The following DPYSL2 variants were observed in gnomAD, a reference collection of about 807,000 sequenced individuals.
DPYSL2 encodes dihydropyrimidinase like 2.
DPYSL2 carries 13 observed loss-of-function variants against 69.9 expected under a neutral mutation model. The observed-to-expected ratio is 0.19, with a 90% CI of 0.12 to 0.30. The LOEUF is 0.30. Among genes scored for constraint, DPYSL2 ranks in the 10% least tolerant of loss-of-function variants. The pLI, the probability that DPYSL2 is intolerant of heterozygous loss-of-function variation, is 1.00. For missense variants in DPYSL2, 587 were observed against 918.9 expected, an observed-to-expected ratio of 0.64 and a Z score of 4.67; for synonymous variants, 326 against 359.1, an observed-to-expected ratio of 0.91 and a Z score of 1.04.
At chr8:26,568,778 C>T (rs1186725613) in intron 1 of DPYSL2, among the ~76,000 whole-genome samples, 4 of 139,020 alleles carry the variant, frequency 2.9e-5, no homozygotes, top group African/African-American at 8.7e-5. Flanking sequence ...TTTTCAGAAT[C>T]GACACAGATT....
chr8:26,609,979 ACACT>A lies in DPYSL2; in HGVS notation c.629-14160_629-14157del, dbSNP rs1802191448. 6.6e-6 allele frequency among the ~76,000 whole-genome samples: 1 copy of A among 152,184 alleles called. No homozygotes were observed. The highest frequency in any genetic ancestry group is 1.5e-5 in the Non-Finnish European group (1 of 68,032). Reference sequence around the variant, plus strand: ...TGCACATGGGCATACACACACGTACACACTCACCCATGTGCACACACACAGGCAC... The same window carrying A: ...TGCACATGGGCATACACACACGTACACACCCATGTGCACACACACAGGCAC... On this transcript the variant is annotated intron_variant, in intron 3 of 13. Transcript: ENST00000521913. This position sits in a 1 kb window ranked among gnomAD's most constrained non-coding sequence, Gnocchi z 6.5.
intron 1 of DPYSL2, among the ~76,000 whole-genome samples, chr8:26,527,502 C>A (rs1447685623): frequency 6.6e-6 from 1 of 152,036 alleles, no homozygotes; most frequent in Non-Finnish European, 1.5e-5. Flanking sequence ...TTGTCTTTGG[C>A]CTCACTCTGA....
chr8:26,622,401 A>G (rs1024518918), intron 3 of DPYSL2, among the ~76,000 whole-genome samples: 2 of 152,070 alleles, frequency 1.3e-5, no homozygotes, highest in African/African-American at 4.8e-5. Context: ...TACTTACAAA[A>G]AAGTAAATTT....
Position 26,560,432 on chromosome 8 carries a change from G to T in DPYSL2, c.355-21537G>T, listed in dbSNP as rs1801052701. ...CTCTGCTGGTGGGATGCACCTATCTGCAGGTCTGGGAAGGTCTGGACCTCC... is the reference window on the plus strand; with the variant it reads ...CTCTGCTGGTGGGATGCACCTATCTTCAGGTCTGGGAAGGTCTGGACCTCC... On this transcript the variant is annotated intron_variant, in intron 1 of 13. Transcript: ENST00000521913. The surrounding 1 kb of genome is among the most constrained non-coding windows in gnomAD (Gnocchi z 4.4). Among the ~76,000 whole-genome samples, 1 of 152,154 alleles carries T rather than the reference G, an allele frequency of 6.6e-6. No homozygotes were observed. The highest frequency in any genetic ancestry group is 2.4e-5 in the African/African-American group (1 of 41,432).
chr8:26,643,870 A>G lies in DPYSL2; in HGVS notation c.1284-80A>G. 4 of 1,522,364 alleles carry G rather than the reference A, an allele frequency of 2.6e-6. No homozygotes were observed. 94.3% of individuals were successfully genotyped at this position (1,522,364 alleles called of 1,614,324 possible). A position where few individuals can be genotyped will look rare whatever the true frequency, so the allele number is the denominator to read the frequency against. On this transcript the variant is annotated intron_variant, in intron 9 of 13. Transcript: ENST00000521913. The surrounding 1 kb of genome is among the most constrained non-coding windows in gnomAD (Gnocchi z 6.5). ...CACTTGGGTTGGTGTGATGCCATTC[A>G]TGAGACAGCCCACCAAATAGGTGTA...
At chr8:26,549,198 A>C (rs1800832262) in intron 1 of DPYSL2, among the ~76,000 whole-genome samples, 1 of 78,700 alleles carries the variant, frequency 1.3e-5, no homozygotes, top group East Asian at 7.5e-4. Flanking sequence ...AAAAAAATTA[A>C]GTTAATAATA....
chr8:26,531,765 G>A (rs17403984), intron 1 of DPYSL2, among the ~76,000 whole-genome samples: 12,545 of 151,942 alleles, frequency 0.083, 716 homozygotes, highest in Non-Finnish European at 0.12. Context: ...ATTTCAAGAG[G>A]TACATGATGG....
chr8:26,568,999 A>G (rs1047038628), intron 1 of DPYSL2, among the ~76,000 whole-genome samples: 4 of 152,152 alleles, frequency 2.6e-5, no homozygotes, highest in Non-Finnish European at 4.4e-5. Context: ...GCCTTGGATC[A>G]TTAGAACCTA....
rs142600170 is a variant in DPYSL2 at position 26,517,851 on chromosome 8, G to A, written c.354+3172G>A. On this transcript the variant is annotated intron_variant, in intron 1 of 13. Transcript: ENST00000521913. This position sits in a 1 kb window ranked among gnomAD's most constrained non-coding sequence, Gnocchi z 4.2. The stretch of plus-strand genomic sequence containing the variant: ...CTGAGTCTGTGAAGTGCTTTCTGGT[G>A]CTCCCTTCCATCTGGGTCCCCATCC... 1.1e-3 allele frequency among the ~76,000 whole-genome samples: 171 copies of A among 152,288 alleles called. 2 individuals carry two copies. Among genetic ancestry groups the A allele is most frequent in the African/African-American group, 3.6e-3 (149 of 41,556 alleles).
chr8:26,647,681 G>A lies in DPYSL2; in HGVS notation c.1477G>A (p.Ala493Thr). The change falls in exon 11 of 14, where the codon GCA (alanine) becomes ACA (threonine). Residue 493 changes from alanine to threonine, a missense_variant. Ala to Thr is a moderately conservative substitution (Grantham distance 58). Transcript: ENST00000521913. The surrounding 1 kb of genome is among the most constrained non-coding windows in gnomAD (Gnocchi z 5.1). Reference protein sequence around the residue: ...NQFVAVTSTNAAKVFNLYPRK... With the variant: ...NQFVAVTSTNTAKVFNLYPRK... Reference sequence around the variant, plus strand: ...GTTTGTGGCTGTGACCAGCACCAATGCAGCCAAAGTCTTCAACCTTTACCC... The same window carrying A: ...GTTTGTGGCTGTGACCAGCACCAATACAGCCAAAGTCTTCAACCTTTACCC... 6.2e-7 allele frequency: 1 copy of A among 1,614,180 alleles called. No individual in the cohort carries two copies. The highest frequency in any genetic ancestry group is 8.5e-7 in the Non-Finnish European group (1 of 1,180,016).
At chr8:26,529,358 C>A (rs1395328770) in intron 1 of DPYSL2, among the ~76,000 whole-genome samples, 1 of 151,776 alleles carries the variant, frequency 6.6e-6, no homozygotes, top group Admixed American at 6.6e-5. Context: ...GAGACAGGAT[C>A]TCTCTCTGTC....
At position 26,556,285 on chromosome 8, in the gene DPYSL2, A is replaced by AGT. The variant is rs1261734787; in HGVS notation, c.355-25684_355-25683insGT. On this transcript the variant is annotated intron_variant, in intron 1 of 13. Coordinates refer to ENST00000521913, the MANE Select transcript of DPYSL2 (RefSeq NM_001197293.3). Reference sequence around the variant, plus strand: ...ACTATAGTATATATAGTATTTATATAATATATATAGTATATATATAGTATA... The same window carrying AGT: ...ACTATAGTATATATAGTATTTATATAGTATATATATAGTATATATATAGTATA... Among the ~76,000 whole-genome samples the AGT allele has an allele frequency of 9.7e-3, 30 of 3,080 alleles. 6 individuals carry two copies. Among genetic ancestry groups the AGT allele is most frequent in the Non-Finnish European group, 0.013 (13 of 964 alleles). The allele number at this position is 3,080 out of a possible 152,430, so 2.0% of individuals were successfully genotyped here.
Position 26,597,183 on chromosome 8 carries a change from C to T in DPYSL2, c.628+13200C>T, listed in dbSNP as rs2129797857. Reference sequence around the variant, plus strand: ...GCCCTGGGTTGATGCCCTAGATCTCCCCTTGCATCCCAGAGGGGGATTTGG... The same window carrying T: ...GCCCTGGGTTGATGCCCTAGATCTCTCCTTGCATCCCAGAGGGGGATTTGG... On this transcript the variant is annotated intron_variant, in intron 3 of 13. Transcript: ENST00000521913. The surrounding 1 kb of genome is among the most constrained non-coding windows in gnomAD (Gnocchi z 5.2). Among the ~76,000 whole-genome samples, 1 of 152,290 alleles carries T rather than the reference C, an allele frequency of 6.6e-6. No homozygotes were observed. The highest frequency in any genetic ancestry group is 1.5e-5 in the Non-Finnish European group (1 of 68,022).
intron 3 of DPYSL2, among the ~76,000 whole-genome samples, chr8:26,615,836 T>C (rs1458645006): frequency 1.3e-5 from 2 of 152,194 alleles, no homozygotes; most frequent in Non-Finnish European, 2.9e-5. Flanking sequence ...TCTTTAGCAT[T>C]GCGGGAGAAA....
At chr8:26,566,546 T>G in intron 1 of DPYSL2, among the ~76,000 whole-genome samples, 1 of 152,036 alleles carries the variant, frequency 6.6e-6, no homozygotes, top group South Asian at 2.1e-4. Context: ...CTCATAGGAC[T>G]GAAGGGCAGG....
At chr8:26,599,891 C>G (rs1411054793) in intron 3 of DPYSL2, among the ~76,000 whole-genome samples, 1 of 151,992 alleles carries the variant, frequency 6.6e-6, no homozygotes, top group Non-Finnish European at 1.5e-5. Context: ...AAAAAGAAAC[C>G]CTACCAATTA....
At chr8:26,638,299 C>T (rs1391815836) in intron 8 of DPYSL2, among the ~76,000 whole-genome samples, 2 of 152,166 alleles carry the variant, frequency 1.3e-5, no homozygotes, top group Non-Finnish European at 2.9e-5. Flanking sequence ...TCAGAGAGGT[C>T]AGGCTGCGTA....
At position 26,593,114 on chromosome 8, in the gene DPYSL2, G is replaced by T. The variant is rs753595152; in HGVS notation, c.628+9131G>T. On this transcript the variant is annotated intron_variant, in intron 3 of 13. Transcript: ENST00000521913. The surrounding 1 kb of genome is among the most constrained non-coding windows in gnomAD (Gnocchi z 5.7). Reference sequence around the variant, plus strand: ...TCTTTCTGGTTAACCCATTTGGGAGGTAGCTTTCTTTGAATATGACTAAGT... The same window carrying T: ...TCTTTCTGGTTAACCCATTTGGGAGTTAGCTTTCTTTGAATATGACTAAGT... Among the ~76,000 whole-genome samples, 3 of 152,154 alleles carry T rather than the reference G, an allele frequency of 2.0e-5. No individual in the cohort carries two copies. The highest frequency in any genetic ancestry group is 4.4e-5 in the Non-Finnish European group (3 of 68,028).
intron 3 of DPYSL2, among the ~76,000 whole-genome samples, chr8:26,606,723 G>T (rs1226711405): frequency 2.6e-5 from 4 of 152,072 alleles, no homozygotes; most frequent in African/African-American, 9.7e-5. Context: ...ATTAAAAGGG[G>T]TTAAGTAAGC....
Sources: gnomAD v4.1 joint callset for allele counts (sites outside exome capture counted in the v4.1 genomes callset) on GRCh38, gnomAD v4.1.1 for gene constraint, Gnocchi (gnomAD v3.1) non-coding constraint, MANE v1.5 for transcripts, NCBI Gene and HGNC (gene_info 2026-07-23, HGNC 2026-07-21) for gene names.